The following MAPT variants were observed in gnomAD, a reference collection of about 807,000 sequenced individuals.
The protein encoded by MAPT is microtubule-associated protein tau.
Under a neutral mutation model 67.9 loss-of-function variants are expected in MAPT, and 34 were observed. The observed-to-expected ratio is 0.50, with a 90% CI of 0.38 to 0.67. The LOEUF is 0.67. MAPT is among the 30% of genes least tolerant of loss of function. The probability of loss-of-function intolerance (pLI) is 0.00; values close to 1 mark genes in which losing one functional copy is unlikely to be tolerated. For synonymous variants in MAPT, 456 were observed against 464.5 expected, an observed-to-expected ratio of 0.98 and a Z score of 0.23; for missense variants, 881 against 1,115.2, an observed-to-expected ratio of 0.79 and a Z score of 2.99.
At chr17:45,947,766 A>G (rs1156258355) in intron 1 of MAPT, among the ~76,000 whole-genome samples, 1 of 151,982 alleles carries the variant, frequency 6.6e-6, no homozygotes, top group African/African-American at 2.4e-5. Context: ...CTAAGCTCCA[A>G]CTTTCCATTT....
intron 1 of MAPT, among the ~76,000 whole-genome samples, chr17:45,942,433 C>T (rs1368158652): frequency 6.6e-6 from 1 of 152,174 alleles, no homozygotes; most frequent in Non-Finnish European, 1.5e-5. Flanking sequence ...CCTGCCTGGC[C>T]GGAGGCTGCA....
intron 9 of MAPT, among the ~76,000 whole-genome samples, chr17:45,998,821 C>G (rs73317016): frequency 6.6e-6 from 1 of 152,094 alleles, no homozygotes; most frequent in African/African-American, 2.4e-5. Context: ...CTCCAGAAGC[C>G]CCATCTTGGG....
Position 45,995,883 on chromosome 17 carries a change from G to A in MAPT, c.1733-516G>A, listed in dbSNP as rs574715581. ...GTGGGGAAAGGGTCAGAAGCGTCCA[G>A]GCTTGAGGGCACAGCTGGGTCTCGT... On this transcript the variant is annotated intron_variant, in intron 8 of 12. Coordinates refer to ENST00000262410, the MANE Select transcript of MAPT (RefSeq NM_001377265.1). This position sits in a 1 kb window ranked among gnomAD's most constrained non-coding sequence, Gnocchi z 4.3. Among the ~76,000 whole-genome samples, 2 of 152,330 alleles carry A rather than the reference G, an allele frequency of 1.3e-5. No individual in the cohort carries two copies. The highest frequency in any genetic ancestry group is 2.9e-5 in the Non-Finnish European group (2 of 68,036).
chr17:45,926,938 CAT>C (rs745356057), intron 1 of MAPT, among the ~76,000 whole-genome samples: 1 of 111,632 alleles, frequency 9.0e-6, no homozygotes, highest in South Asian at 2.4e-4. Context: ...CATATATACA[CAT>C]ATATATACAT....
intron 1 of MAPT, among the ~76,000 whole-genome samples, chr17:45,939,385 C>G (rs1251087083): frequency 6.6e-6 from 1 of 152,214 alleles, no homozygotes; most frequent in Non-Finnish European, 1.5e-5. Context: ...AACTTGATAT[C>G]TTATCAGATT....
intron 9 of MAPT, among the ~76,000 whole-genome samples, chr17:45,997,133 G>A (rs1317547605): frequency 6.6e-6 from 1 of 152,188 alleles, no homozygotes; most frequent in Non-Finnish European, 1.5e-5. Flanking sequence ...GAGATTGGGG[G>A]TTCTGTTTTG....
intron 1 of MAPT, among the ~76,000 whole-genome samples, chr17:45,941,403 A>G (rs1200298718): frequency 6.6e-6 from 1 of 152,000 alleles, no homozygotes; most frequent in African/African-American, 2.4e-5. Flanking sequence ...AGGGCGTAGC[A>G]CAGAGGCAGA....
intron 1 of MAPT, among the ~76,000 whole-genome samples, chr17:45,943,631 C>A (rs2068192750): frequency 1.3e-5 from 2 of 152,150 alleles, no homozygotes; most frequent in African/African-American, 2.4e-5. Context: ...AAAAAGAGCC[C>A]ATTTCTGGTC....
chr17:45,930,135 C>T (rs1023793822), intron 1 of MAPT, among the ~76,000 whole-genome samples: 1 of 152,200 alleles, frequency 6.6e-6, no homozygotes, highest in African/African-American at 2.4e-5. Flanking sequence ...TGCGGTGGCT[C>T]ATGCCTGTAA....
At chr17:45,933,043 T>C (rs2066988434) in intron 1 of MAPT, among the ~76,000 whole-genome samples, 1 of 151,992 alleles carries the variant, frequency 6.6e-6, no homozygotes, top group African/African-American at 2.4e-5. Context: ...GATCGCACCA[T>C]TGCACTCTAG....
At position 45,973,995 on chromosome 17, in the gene MAPT, A is replaced by G. The variant is rs962773472; in HGVS notation, c.220+2050A>G. On this transcript the variant is annotated intron_variant, in intron 3 of 12. Transcript: ENST00000262410. ...TTGCCCAAAGCCTCACAGCAAAACC[A>G]TAGGCCCCCGCACTAACCCCAGAGT... 2.3e-5 allele frequency: 5 copies of G among 221,032 alleles called. No homozygotes were observed. The East Asian group carries it at 4.3e-4, about 19-fold the overall frequency. 13.7% of individuals were successfully genotyped at this position (221,032 alleles called of 1,614,324 possible). A position where few individuals can be genotyped will look rare whatever the true frequency, so the allele number is the denominator to read the frequency against.
intron 1 of MAPT, chr17:45,894,902 C>G (rs913253254): frequency 6.6e-6 from 1 of 152,238 alleles, no homozygotes; most frequent in Non-Finnish European, 1.5e-5. Context: ...CGTGAGTGCG[C>G]GCGTGTGTGT....
chr17:45,956,035 C>T (rs62063264), intron 1 of MAPT, among the ~76,000 whole-genome samples: 21,802 of 152,250 alleles, frequency 0.14, 2,127 homozygotes, highest in Non-Finnish European at 0.22. Flanking sequence ...GGGGCCTAGC[C>T]TCCTTCCATT....
chr17:46,011,003 G>C (rs2075785846), intron 10 of MAPT, among the ~76,000 whole-genome samples: 1 of 152,240 alleles, frequency 6.6e-6, no homozygotes, highest in Non-Finnish European at 1.5e-5. Context: ...CCACCCTCTG[G>C]CAGAGACTCC....
Position 45,996,552 on chromosome 17 carries a change from C to G in MAPT, c.1886C>G (p.Ser629Cys). ...GTCCGTACTCCACCCAAGTCGCCGT[C>G]TTCCGCCAAGAGCCGCCTGCAGACA... ...AVVRTPPKSP[S>C]SAKSRLQTAP... The change falls in exon 9 of 13, where the codon TCT becomes TGT. Residue 629 changes from serine (S) to cysteine (C), a missense_variant. Coordinates refer to ENST00000262410, the MANE Select transcript of MAPT (RefSeq NM_001377265.1). The surrounding 1 kb of genome is among the most constrained non-coding windows in gnomAD (Gnocchi z 4.5). The G allele has an allele frequency of 6.2e-7, 1 of 1,613,692 alleles. No individual in the cohort carries two copies. The highest frequency in any genetic ancestry group is 1.1e-5 in the South Asian group (1 of 91,028).
At chr17:45,924,532 G>A (rs1280587595) in intron 1 of MAPT, among the ~76,000 whole-genome samples, 1 of 152,220 alleles carries the variant, frequency 6.6e-6, no homozygotes, top group East Asian at 1.9e-4. Context: ...AAGAAAGCCA[G>A]CTTCTCCCCT....
intron 3 of MAPT, 174 bp downstream of exon 3, chr17:45,972,119 T>C (rs912775895): frequency 2.8e-6 from 2 of 702,918 alleles, no homozygotes; most frequent in African/African-American, 1.7e-5. Context: ...CCTTGCTTGC[T>C]GGTGCTGAGT....
At chr17:46,014,107 A>G (rs2076001239) in intron 10 of MAPT, 136 bp from the exon 11 acceptor site, 2 of 700,230 alleles carry the variant, frequency 2.9e-6, no homozygotes, top group Non-Finnish European at 5.2e-6. Flanking sequence ...CCACTGTCCA[A>G]TAAGGGCCTG....
At chr17:45,944,502 G>T (rs958659135) in intron 1 of MAPT, among the ~76,000 whole-genome samples, 1 of 152,200 alleles carries the variant, frequency 6.6e-6, no homozygotes, top group Non-Finnish European at 1.5e-5. Context: ...AAGTGGCATC[G>T]CCACATCGTG....
Sources: allele counts gnomAD v4.1 joint callset (sites outside exome capture counted in the v4.1 genomes callset), GRCh38; gene constraint gnomAD v4.1.1; non-coding constraint Gnocchi (gnomAD v3.1); transcripts MANE v1.5; gene names NCBI Gene and HGNC (gene_info 2026-07-23, HGNC 2026-07-21).